Variants in RNF31 observed in about 807,000 individuals in gnomAD.
The protein encoded by RNF31 is ring finger protein 31, also known as E3 ubiquitin-protein ligase RNF31.
A neutral mutation model predicts 133.6 loss-of-function variants in RNF31; 38 were observed. That is an observed-to-expected ratio of 0.28 (90% confidence interval 0.22 to 0.37). The LOEUF is 0.37. Among genes scored for constraint, RNF31 ranks in the 10% least tolerant of loss-of-function variants. The pLI, the probability that RNF31 is intolerant of heterozygous loss-of-function variation, is 1.00. For missense variants in RNF31, 1,118 were observed against 1,394.1 expected (o/e 0.80, Z 3.15); for synonymous variants, 582 against 552.3 (o/e 1.05, Z -0.75).
At chr14:24,158,298 C>T (rs2038377723) in intron 18 of RNF31, 99 bp downstream of exon 18, 4 of 1,170,950 alleles carry the variant, frequency 3.4e-6, no homozygotes. Flanking sequence ...TCACTTGTTG[C>T]ATGCCCTTTG....
rs368767945 is a variant in RNF31, at chr14:24,160,551, G to C, written c.3197G>C (p.Ser1066Thr). 8.4e-6 allele frequency: 13 copies of C among 1,541,806 alleles called. No individual in the cohort carries two copies. Among genetic ancestry groups the C allele is most frequent in the Non-Finnish European group, 1.1e-5 (13 of 1,141,628 alleles). The change falls in exon 21 of 21, where the codon AGT becomes ACT. Residue 1066 changes from serine to threonine, a missense_variant. This residue lies in a region of RNF31 where 170 missense variants were observed against 194.5 expected (regional missense o/e 0.87). Transcript: ENST00000324103. The surrounding 1 kb of genome is among the most constrained non-coding windows in gnomAD (Gnocchi z 4.0). Reference protein sequence around the residue: ...KLTEEVPLGQSIPRRRK With the variant: ...KLTEEVPLGQTIPRRRK Reference sequence around the variant, plus strand: ...ACAGAAGAGGTACCCTTGGGACAGAGTATCCCCCGCAGGCGGAAGTAGCTG... The same window carrying C: ...ACAGAAGAGGTACCCTTGGGACAGACTATCCCCCGCAGGCGGAAGTAGCTG...
chr14:24,148,183 G>T (rs1232095168), intron 2 of RNF31, 61 bp downstream of exon 2: 6 of 1,613,070 alleles, frequency 3.7e-6, no homozygotes, highest in Non-Finnish European at 5.1e-6. Flanking sequence ...GCCTGAGGTT[G>T]TGCTGAATGG....
chr14:24,154,041 G>A (rs1335800767), intron 11 of RNF31, among the ~76,000 whole-genome samples: 2 of 152,076 alleles, frequency 1.3e-5, no homozygotes, highest in Non-Finnish European at 2.9e-5. Flanking sequence ...TGTCGCCCTG[G>A]CTGGAGCGCA....
intron 11 of RNF31, among the ~76,000 whole-genome samples, chr14:24,152,243 C>G (rs1005646911): frequency 1.3e-5 from 2 of 152,126 alleles, no homozygotes; most frequent in African/African-American, 4.8e-5. Flanking sequence ...CCCATACCCC[C>G]CTGCAACCCC....
chr14:24,147,757 C>T lies in RNF31; in HGVS notation c.59C>T (p.Ala20Val), dbSNP rs981634882. Reference sequence around the variant, plus strand: ...GTGGCCCGCGAGGAGCTGGCGAGCGCCCTGAGGAGGGATTCCGGGCAGGCG... The same window carrying T: ...GTGGCCCGCGAGGAGCTGGCGAGCGTCCTGAGGAGGGATTCCGGGCAGGCG... ...FLVAREELAS[A>V]LRRDSGQAFS... The change falls in exon 1 of 21, where the codon GCC becomes GTC. Residue 20 changes from alanine (A) to valine (V), a missense_variant. Ala to Val is a moderately conservative substitution (Grantham distance 64). Coordinates refer to ENST00000324103, the MANE Select transcript of RNF31 (RefSeq NM_017999.5). 23 of 1,569,858 alleles carry T rather than the reference C, an allele frequency of 1.5e-5. No homozygotes were observed. The highest frequency in any genetic ancestry group is 2.0e-5 in the Non-Finnish European group (23 of 1,161,636).
rs529900287 is a variant in RNF31, at chr14:24,159,032, CAAAAAAAA to C, written c.2900-812_2900-805del. Among the ~76,000 whole-genome samples the C allele has an allele frequency of 1.5e-4, 8 of 54,426 alleles. No homozygotes were observed. The East Asian group carries it at 4.2e-3, about 29-fold the overall frequency. 35.7% of individuals were successfully genotyped at this position (54,426 alleles called of 152,430 possible). The stretch of plus-strand genomic sequence containing the variant: ...TGGGCAACAGAGCGAGACTTCGTCT[CAAAAAAAA>C]AAAAAAAAAAAAAAAAAAATGTGGC... On this transcript the variant is annotated intron_variant, in intron 18 of 20. Coordinates refer to ENST00000324103, the MANE Select transcript of RNF31 (RefSeq NM_017999.5).
chr14:24,151,916 G>A lies in RNF31; in HGVS notation c.2054G>A (p.Ser685Asn). ...GATGTGGTAGAAGCTGTGAGGCACA[G>A]CCAGGACCGGGCCTTCCTGCGCCGC... ...LGDVVEAVRH[S>N]QDRAFLRRLL... Residue 685 changes from serine to asparagine, a missense_variant, in exon 11 of 21, where the codon AGC (serine) becomes AAC (asparagine). Ser to Asn is a conservative substitution (Grantham distance 46, BLOSUM62 1). This residue lies in a region of RNF31 where 201 missense variants were observed against 371.7 expected (regional missense o/e 0.54). Transcript: ENST00000324103. The surrounding 1 kb of genome is among the most constrained non-coding windows in gnomAD (Gnocchi z 5.3). 1 of 1,614,214 alleles carries A rather than the reference G, an allele frequency of 6.2e-7. No individual in the cohort carries two copies. Among genetic ancestry groups the A allele is most frequent in the Non-Finnish European group, 8.5e-7 (1 of 1,180,028 alleles).
intron 11 of RNF31, 119 bp downstream of exon 11, chr14:24,152,111 A>G: frequency 1.0e-6 from 1 of 990,314 alleles, no homozygotes; most frequent in Non-Finnish European, 1.5e-6. Context: ...TATACCCCTG[A>G]AGGCTCCTGG....
chr14:24,158,303 C>A, intron 18 of RNF31, 104 bp downstream of exon 18: 2 of 1,111,210 alleles, frequency 1.8e-6, no homozygotes, highest in South Asian at 1.4e-5. Flanking sequence ...TGTTGCATGC[C>A]CTTTGGCAAG....
At chr14:24,158,754 C>A (rs190505006) in intron 18 of RNF31, 1 of 152,514 alleles carries the variant, frequency 6.6e-6, no homozygotes, top group Non-Finnish European at 1.5e-5. Flanking sequence ...TAGAGGTGGC[C>A]GGCCGGGCAC....
At chr14:24,153,697 A>G (rs1474777419) in intron 11 of RNF31, among the ~76,000 whole-genome samples, 1 of 152,124 alleles carries the variant, frequency 6.6e-6, no homozygotes, top group East Asian at 1.9e-4. Context: ...TGAGGTCAGG[A>G]GTTCGAGACC....
upstream of RNF31, chr14:24,147,418 T>C: frequency 3.1e-6 from 1 of 317,804 alleles, no homozygotes; most frequent in Non-Finnish European, 5.7e-6. Context: ...CCGCGCCCCC[T>C]GGTTTCCTGA....
chr14:24,153,651 C>G (rs1458007455), intron 11 of RNF31, among the ~76,000 whole-genome samples: 1 of 151,860 alleles, frequency 6.6e-6, no homozygotes, highest in Non-Finnish European at 1.5e-5. Flanking sequence ...TACCTGTAAT[C>G]CTAGCACTTT....
chr14:24,156,556 G>A (rs2038343272), intron 14 of RNF31, among the ~76,000 whole-genome samples: 1 of 152,146 alleles, frequency 6.6e-6, no homozygotes, highest in African/African-American at 2.4e-5. Context: ...ATGGTGGGTG[G>A]ATCACTTGAG....
chr14:24,149,335 C>G, intron 5 of RNF31, 71 bp from the exon 6 acceptor site: 1 of 1,455,562 alleles, frequency 6.9e-7, no homozygotes, highest in African/African-American at 1.4e-5. Context: ...TGTGATTTGC[C>G]CCCATCCACA....
rs762882834 is a variant in RNF31 at position 24,150,322 on chromosome 14, G to C, written c.1071G>C (p.Gln357His). ...TTGCACGGGGTCGGTGGGCCTGCCAGAGCTGTACCTTTGAGAATGAGGCAG... is the reference window on the plus strand; with the variant it reads ...TTGCACGGGGTCGGTGGGCCTGCCACAGCTGTACCTTTGAGAATGAGGCAG... ...PDLARGRWACQSCTFENEAAA... is the reference protein window; with the variant it reads ...PDLARGRWACHSCTFENEAAA... Residue 357 changes from glutamine (Q) to histidine (H), a missense_variant, in exon 7 of 21, where the codon CAG becomes CAC. This residue lies in a region of RNF31 where 747 missense variants were observed against 827.9 expected (regional missense o/e 0.90). Coordinates refer to ENST00000324103, the MANE Select transcript of RNF31 (RefSeq NM_017999.5). 1.9e-6 allele frequency: 3 copies of C among 1,614,168 alleles called. No individual in the cohort carries two copies. Among genetic ancestry groups the C allele is most frequent in the Non-Finnish European group, 2.5e-6 (3 of 1,180,024 alleles).
chr14:24,150,532 C>T, intron 7 of RNF31, 66 bp from the exon 8 acceptor site: 2 of 1,577,990 alleles, frequency 1.3e-6, no homozygotes, highest in South Asian at 2.3e-5. Context: ...TTCCTCCCAA[C>T]TCCCTGTATT....
In RNF31 at chr14:24,149,484, G is replaced by A; in HGVS notation, c.710G>A (p.Cys237Tyr). 6.2e-7 allele frequency: 1 copy of A among 1,614,106 alleles called. No homozygotes were observed. The highest frequency in any genetic ancestry group is 8.5e-7 in the Non-Finnish European group (1 of 1,180,018). Reference protein sequence around the residue: ...LHCPSCKQALCPACDHLFHGH... With the variant: ...LHCPSCKQALYPACDHLFHGH... ...TGCCCATCCTGTAAACAGGCCCTGT[G>A]TCCAGCCTGTGACCACCTGTTCCAT... The change falls in exon 6 of 21, where the codon TGT (cysteine) becomes TAT (tyrosine). Residue 237 changes from cysteine (C) to tyrosine (Y), a missense_variant. By Grantham distance (194) the Cys-to-Tyr change is radical (BLOSUM62 -2). Around this residue, in one of 3 missense-constraint regions of RNF31, gnomAD observed 747 missense variants for 827.9 expected, o/e 0.90. Coordinates refer to ENST00000324103, the MANE Select transcript of RNF31 (RefSeq NM_017999.5).
chr14:24,151,868 CA>C lies in RNF31; in HGVS notation c.2007del (p.Arg671GlyfsTer9). 1 of 1,614,190 alleles carries C rather than the reference CA, an allele frequency of 6.2e-7. No homozygotes were observed. The highest frequency in any genetic ancestry group is 8.5e-7 in the Non-Finnish European group (1 of 1,180,036). ...AELALSLLQETPRNYELGDVV... is the reference protein window; with the variant it reads ...AELALSLLQEXPRNYELGDVV... ...CTGGCACTGTCACTGCTGCAGGAGA[CA>C]CCCAGGAACTATGAGTTGGGGGATG... On this transcript the variant is annotated frameshift_variant, in exon 11 of 21. Transcript: ENST00000324103. LOFTEE classifies it high-confidence loss of function. The surrounding 1 kb of genome is among the most constrained non-coding windows in gnomAD (Gnocchi z 5.3).
Sources: gnomAD v4.1 joint callset for allele counts (sites outside exome capture counted in the v4.1 genomes callset) on GRCh38, gnomAD v4.1.1 for gene constraint, gnomAD v4.1.1 regional missense constraint, Gnocchi (gnomAD v3.1) non-coding constraint, MANE v1.5 for transcripts, NCBI Gene and HGNC (gene_info 2026-07-23, HGNC 2026-07-21) for gene names.